The following ARHGAP19 variants were observed in gnomAD, a reference collection of about 807,000 sequenced individuals.
The protein encoded by ARHGAP19 is rho GTPase-activating protein 19.
Under a neutral mutation model 60.9 loss-of-function variants are expected in ARHGAP19, and 48 were observed. The observed-to-expected ratio is 0.79, with a 90% CI of 0.62 to 1.00. The LOEUF is 1.00. ARHGAP19 is among the 50% of genes least tolerant of loss of function. ARHGAP19 has a pLI of 0.00. For missense variants in ARHGAP19, 562 were observed against 597.2 expected, an observed-to-expected ratio of 0.94 and a Z score of 0.61; for synonymous variants, 209 against 215.5, an observed-to-expected ratio of 0.97 and a Z score of 0.27.
chr10:97,229,030 A>C (rs1186550360), intron 11 of ARHGAP19, 117 bp downstream of exon 11: 10 of 1,044,332 alleles, frequency 9.6e-6, no homozygotes, highest in Non-Finnish European at 1.3e-5. Flanking sequence ...TGGCCTTGTA[A>C]TTTTTATGTC....
chr10:97,292,601 C>A lies in ARHGAP19; in HGVS notation c.27G>T (p.Gly9=). Residue 9 remains glycine (G), a synonymous_variant, in exon 1 of 12, where the codon GGG becomes GGT. Coordinates refer to ENST00000358531, the MANE Select transcript of ARHGAP19 (RefSeq NM_032900.6). MATEAQSE[G]EVPARESGRS... The stretch of plus-strand genomic sequence containing the variant: ...GGCCGGATTCGCGGGCTGGCACCTC[C>A]CCTTCACTCTGTGCCTCAGTCGCCA... 1 of 1,614,196 alleles carries A rather than the reference C, an allele frequency of 6.2e-7. No homozygotes were observed. The highest frequency in any genetic ancestry group is 8.5e-7 in the Non-Finnish European group (1 of 1,180,038).
At chr10:97,236,452 G>A (rs1337288341) in intron 8 of ARHGAP19, among the ~76,000 whole-genome samples, 2 of 152,114 alleles carry the variant, frequency 1.3e-5, no homozygotes. Flanking sequence ...AGCTTAGCTA[G>A]TTAAGTATCC....
intron 1 of ARHGAP19, among the ~76,000 whole-genome samples, chr10:97,281,307 A>G (rs11189090): frequency 0.044 from 6,675 of 152,076 alleles, 212 homozygotes; most frequent in Non-Finnish European, 0.061. Flanking sequence ...AGGCTGAGGT[A>G]GGAGGATCAC....
Position 97,225,359 on chromosome 10 carries a change from G to C in ARHGAP19, c.*763C>G, listed in dbSNP as rs1471162503. On this transcript the variant is annotated 3_prime_UTR_variant, in exon 12 of 12. Transcript: ENST00000358531. ...CACTGAGGAAAGGGAAAGAGAGAGA[G>C]AGATGGACAAGGGAGGGAGAAATGG... is the stretch of plus-strand genomic sequence containing the variant. The C allele has an allele frequency of 1.3e-5, 2 of 152,180 alleles. No homozygotes were observed. The highest frequency in any genetic ancestry group is 4.8e-5 in the African/African-American group (2 of 41,454). The allele number at this position is 152,180 out of a possible 1,614,324, so 9.4% of individuals were successfully genotyped here.
At chr10:97,235,123 C>A in intron 9 of ARHGAP19, 94 bp downstream of exon 9, 1 of 1,273,504 alleles carries the variant, frequency 7.9e-7, no homozygotes, top group Admixed American at 2.1e-5. Context: ...ATAGGGTCCC[C>A]AAAAAACAGA....
At chr10:97,235,489 G>A (rs558840056) in intron 8 of ARHGAP19, among the ~76,000 whole-genome samples, 174 bp from the exon 9 acceptor site, 1 of 152,274 alleles carries the variant, frequency 6.6e-6, no homozygotes, top group African/African-American at 2.4e-5. Flanking sequence ...GCCAAAAGAA[G>A]TGGATTCAAG....
In ARHGAP19 at chr10:97,244,164, G is replaced by T. The variant is rs1247138805; in HGVS notation, c.994-5C>A. The T allele has an allele frequency of 6.4e-7, 1 of 1,570,844 alleles. No homozygotes were observed. Among genetic ancestry groups the T allele is most frequent in the Admixed American group, 2.0e-5 (1 of 49,736 alleles). ...AGCTATGAGGTCAAGGTCATCCTAA[G>T]GAAAATTTAAAAGAAGAGTAAATTA... On this transcript the variant is annotated splice_polypyrimidine_tract_variant and splice_region_variant and intron_variant, in intron 7 of 11. Transcript: ENST00000358531.
At chr10:97,270,928 T>C (rs904808506) in intron 1 of ARHGAP19, among the ~76,000 whole-genome samples, 6 of 152,200 alleles carry the variant, frequency 3.9e-5, no homozygotes, top group African/African-American at 1.2e-4. Context: ...GTTACAAATG[T>C]AAAAGCATAT....
chr10:97,264,066 TC>T (rs1271102236), intron 3 of ARHGAP19, among the ~76,000 whole-genome samples: 2 of 152,174 alleles, frequency 1.3e-5, no homozygotes, highest in Admixed American at 6.5e-5. Context: ...CCAGAATGAA[TC>T]CAGAGTCTCT....
Position 97,229,215 on chromosome 10 carries a change from C to A in ARHGAP19, c.1406G>T (p.Gly469Val). 1 of 1,613,896 alleles carries A rather than the reference C, an allele frequency of 6.2e-7. No homozygotes were observed. Among genetic ancestry groups the A allele is most frequent in the Admixed American group, 1.7e-5 (1 of 60,000 alleles). ...SKENRNLLFS[G>V]SPAVTMTPTR... ...TGGTGTCATCGTGACAGCTGGAGAG[C>A]CAGAAAATAACTGTAATAAGAAAAT... Residue 469 changes from glycine (G) to valine (V), a missense_variant, in exon 11 of 12, where the codon GGC (glycine) becomes GTC (valine). Coordinates refer to ENST00000358531, the MANE Select transcript of ARHGAP19 (RefSeq NM_032900.6).
chr10:97,228,077 T>G (rs1260499391), intron 11 of ARHGAP19, among the ~76,000 whole-genome samples: 3 of 152,216 alleles, frequency 2.0e-5, no homozygotes, highest in Non-Finnish European at 4.4e-5. Context: ...CTTGTCTCAA[T>G]TAGACAGCCC....
intron 1 of ARHGAP19, chr10:97,270,472 A>T: frequency 1.7e-6 from 1 of 600,644 alleles, no homozygotes; most frequent in Non-Finnish European, 2.7e-6. Context: ...ATCAAGAAAC[A>T]TATTTAAGAA....
At chr10:97,241,318 A>G (rs889901626) in intron 8 of ARHGAP19, among the ~76,000 whole-genome samples, 4 of 152,110 alleles carry the variant, frequency 2.6e-5, no homozygotes, top group Admixed American at 2.0e-4. Context: ...ACTTAAGATC[A>G]TATTTACTTA....
intron 8 of ARHGAP19, among the ~76,000 whole-genome samples, 180 bp downstream of exon 8, chr10:97,243,788 G>A (rs534028448): frequency 6.6e-6 from 1 of 152,132 alleles, no homozygotes; most frequent in Non-Finnish European, 1.5e-5. Context: ...GAAATCAAGA[G>A]ACTCCACTCC....
At position 97,256,548 on chromosome 10, in the gene ARHGAP19, T is replaced by C. The variant is rs113803152; in HGVS notation, c.841-144A>G. 2.2e-4 allele frequency: 134 copies of C among 613,870 alleles called. 2 individuals are homozygous for C. Among genetic ancestry groups the C allele is most frequent in the African/African-American group, 1.6e-3 (87 of 53,734 alleles). 38.0% of individuals were successfully genotyped at this position (613,870 alleles called of 1,614,324 possible). A position where few individuals can be genotyped will look rare whatever the true frequency, so the allele number is the denominator to read the frequency against. On this transcript the variant is annotated intron_variant, in intron 5 of 11. Transcript: ENST00000358531. ...CAATGTTTAATTCTGGGAAGACTTT[T>C]TGGTTCATCAGGATATGACATAATC...
rs1842439570 is a variant in ARHGAP19, at chr10:97,239,550, GGGT to G, written c.1186-4238_1186-4236del. 6.5e-3 allele frequency among the ~76,000 whole-genome samples: 746 copies of G among 114,948 alleles called. 4 individuals are homozygous for G. The highest frequency in any genetic ancestry group is 0.019 in the African/African-American group (520 of 27,216). 75.4% of individuals were successfully genotyped at this position (114,948 alleles called of 152,430 possible). ...AAAGGGAGTGAGAGAGAGAGAGAGA[GGGT>G]GTGTGTGTGTGTGTGTGTGTGTGTG... On this transcript the variant is annotated intron_variant, in intron 8 of 11. Transcript: ENST00000358531.
At chr10:97,229,322 G>A in intron 10 of ARHGAP19, 97 bp from the exon 11 acceptor site, 2 of 1,069,474 alleles carry the variant, frequency 1.9e-6, no homozygotes, top group Admixed American at 1.9e-5. Flanking sequence ...ATTTCAATGT[G>A]AAGAGTTTTT....
rs1019437176 is a variant in ARHGAP19, at chr10:97,265,924, C to G, written c.258G>C (p.Lys86Asn). 8 of 1,614,020 alleles carry G rather than the reference C, an allele frequency of 5.0e-6. No homozygotes were observed. Among genetic ancestry groups the G allele is most frequent in the Non-Finnish European group, 6.8e-6 (8 of 1,180,048 alleles). Residue 86 changes from lysine to asparagine, a missense_variant, in exon 2 of 12, where the codon AAG (lysine) becomes AAC (asparagine). By Grantham distance (94) the Lys-to-Asn change is moderately conservative. Coordinates refer to ENST00000358531, the MANE Select transcript of ARHGAP19 (RefSeq NM_032900.6). The part of the protein sequence containing the change: ...LAQLMGEVDL[K>N]LPGGAGPASG... ...ATGCTGGGCCAGCCCCGCCAGGCAA[C>G]TTAAGGTCCACTTCCCCCATCAGCT...
chr10:97,240,405 A>G (rs1842460671), intron 8 of ARHGAP19, among the ~76,000 whole-genome samples: 1 of 152,248 alleles, frequency 6.6e-6, no homozygotes, highest in Non-Finnish European at 1.5e-5. Context: ...TAATCCCAAC[A>G]CTTTGGGAGC....
Sources: gnomAD v4.1 joint callset for allele counts (sites outside exome capture counted in the v4.1 genomes callset) on GRCh38, gnomAD v4.1.1 for gene constraint, MANE v1.5 for transcripts, NCBI Gene and HGNC (gene_info 2026-07-23, HGNC 2026-07-21) for gene names.